ZNF385B: variants seen among roughly 807,000 people sequenced by gnomAD.
The protein encoded by ZNF385B is zinc finger protein 385B.
ZNF385B carries 23 observed loss-of-function variants against 39.2 expected under a neutral mutation model. That is an observed-to-expected ratio of 0.59 (90% CI 0.42 to 0.83). ZNF385B has a LOEUF of 0.83. Among genes scored for constraint, ZNF385B ranks in the 40% least tolerant of loss-of-function variants. ZNF385B has a pLI of 0.00. For synonymous variants in ZNF385B, 205 were observed against 222.6 expected, an observed-to-expected ratio of 0.92 and a Z score of 0.70; for missense variants, 552 against 598.9, an observed-to-expected ratio of 0.92 and a Z score of 0.82.
intron 3 of ZNF385B, among the ~76,000 whole-genome samples, chr2:179,646,356 G>A (rs1458863058): frequency 6.6e-6 from 1 of 152,242 alleles, no homozygotes; most frequent in African/African-American, 2.4e-5. Context: ...AGGTTGCAGT[G>A]AGCCGAGATT....
intron 3 of ZNF385B, among the ~76,000 whole-genome samples, chr2:179,747,415 A>T (rs1702445702): frequency 6.6e-6 from 1 of 152,040 alleles, no homozygotes; most frequent in African/African-American, 2.4e-5. Context: ...TGCCACCTGA[A>T]TTCTATTTGT....
intron 1 of ZNF385B, among the ~76,000 whole-genome samples, chr2:179,860,293 T>C (rs1684936356): frequency 6.6e-6 from 1 of 152,164 alleles, no homozygotes; most frequent in African/African-American, 2.4e-5. Flanking sequence ...GGATACTTCT[T>C]GGCAATTTAT....
intron 5 of ZNF385B, among the ~76,000 whole-genome samples, chr2:179,490,789 T>G (rs1054614550): frequency 1.3e-5 from 2 of 152,274 alleles, no homozygotes; most frequent in South Asian, 2.1e-4. Flanking sequence ...CCCCTAGATA[T>G]TCACTGATGC....
intron 3 of ZNF385B, among the ~76,000 whole-genome samples, chr2:179,642,393 C>A (rs577387287): frequency 6.6e-6 from 1 of 152,144 alleles, no homozygotes; most frequent in Admixed American, 6.6e-5. Context: ...AACTCATACA[C>A]CTGAAGACAT....
chr2:179,558,308 T>G (rs1288044006), intron 3 of ZNF385B, among the ~76,000 whole-genome samples: 1 of 152,118 alleles, frequency 6.6e-6, no homozygotes, highest in African/African-American at 2.4e-5. Flanking sequence ...GCACAAAATG[T>G]TTTTTCTCCT....
chr2:179,715,203 C>T (rs1700257397), intron 3 of ZNF385B, among the ~76,000 whole-genome samples: 2 of 138,906 alleles, frequency 1.4e-5, no homozygotes, highest in South Asian at 2.4e-4. Context: ...ACAGCTCATG[C>T]CAAATCCTAT....
At chr2:179,477,925 G>A (rs1328721026) in intron 6 of ZNF385B, among the ~76,000 whole-genome samples, 2 of 152,014 alleles carry the variant, frequency 1.3e-5, no homozygotes, top group Non-Finnish European at 2.9e-5. Flanking sequence ...ATACCAAAAC[G>A]GTCAGCAAGA....
intron 3 of ZNF385B, among the ~76,000 whole-genome samples, chr2:179,744,449 T>G (rs1162189726): frequency 6.6e-6 from 1 of 152,038 alleles, no homozygotes; most frequent in African/African-American, 2.4e-5. Flanking sequence ...ATGTGCTCAG[T>G]ATAAAACTAA....
At chr2:179,694,661 G>A (rs1698585023) in intron 3 of ZNF385B, among the ~76,000 whole-genome samples, 1 of 152,148 alleles carries the variant, frequency 6.6e-6, no homozygotes, top group African/African-American at 2.4e-5. Flanking sequence ...TGGGCAATGT[G>A]GCTCATGCCT....
chr2:179,665,311 T>G (rs1004432508), intron 3 of ZNF385B, among the ~76,000 whole-genome samples: 7 of 152,368 alleles, frequency 4.6e-5, no homozygotes, highest in Middle Eastern at 3.4e-3. Context: ...TCTTTTCACC[T>G]GTAGTATCTG....
chr2:179,667,220 T>A (rs1460445464), intron 3 of ZNF385B, among the ~76,000 whole-genome samples: 2 of 152,172 alleles, frequency 1.3e-5, no homozygotes, highest in Non-Finnish European at 2.9e-5. Flanking sequence ...AATACCTACA[T>A]TAACATTCAG....
chr2:179,586,324 G>A (rs1687067363), intron 3 of ZNF385B, among the ~76,000 whole-genome samples: 1 of 152,176 alleles, frequency 6.6e-6, no homozygotes, highest in African/African-American at 2.4e-5. Context: ...TTTTATAGAT[G>A]TCTTTTCTAT....
Position 179,467,091 on chromosome 2 carries a change from C to T in ZNF385B, c.715+16181G>A, listed in dbSNP as rs184117830. 1.1e-3 allele frequency among the ~76,000 whole-genome samples: 169 copies of T among 152,014 alleles called. 1 individual carries two copies. The highest frequency in any genetic ancestry group is 3.1e-3 in the African/African-American group (129 of 41,470). On this transcript the variant is annotated intron_variant, in intron 6 of 9. Transcript: ENST00000410066. ...ACTGAGGGTGTCATTATAAAGACTTCGTGTGTTGGCGATGGTACCACTCAC... is the reference window on the plus strand; with the variant it reads ...ACTGAGGGTGTCATTATAAAGACTTTGTGTGTTGGCGATGGTACCACTCAC...
At chr2:179,755,907 T>G (rs1023544993) in intron 3 of ZNF385B, among the ~76,000 whole-genome samples, 2 of 152,240 alleles carry the variant, frequency 1.3e-5, no homozygotes, top group African/African-American at 4.8e-5. Flanking sequence ...CTGTGTCTTT[T>G]AATTGGAGCA....
chr2:179,444,635 C>T (rs1005414811), intron 9 of ZNF385B, among the ~76,000 whole-genome samples: 1 of 152,198 alleles, frequency 6.6e-6, no homozygotes, highest in Non-Finnish European at 1.5e-5. Context: ...AGAGGATAGT[C>T]TTTTGAAAAC....
At chr2:179,658,829 G>A (rs977251283) in intron 3 of ZNF385B, among the ~76,000 whole-genome samples, 6 of 152,074 alleles carry the variant, frequency 3.9e-5, no homozygotes, top group African/African-American at 1.4e-4. Context: ...CCAGGCTGGA[G>A]TGCAGTGGCG....
intron 3 of ZNF385B, among the ~76,000 whole-genome samples, chr2:179,699,631 T>C (rs762090263): frequency 6.6e-6 from 1 of 152,238 alleles, no homozygotes; most frequent in Non-Finnish European, 1.5e-5. Flanking sequence ...AAACAGTACA[T>C]GACACCCTGA....
intron 3 of ZNF385B, among the ~76,000 whole-genome samples, chr2:179,664,420 A>T (rs1383987728): frequency 6.6e-6 from 1 of 152,190 alleles, no homozygotes; most frequent in African/African-American, 2.4e-5. Flanking sequence ...TCAATTTTTC[A>T]CAAGTACAGC....
At chr2:179,707,289 T>C (rs1292623452) in intron 3 of ZNF385B, among the ~76,000 whole-genome samples, 1 of 152,148 alleles carries the variant, frequency 6.6e-6, no homozygotes, top group Admixed American at 6.5e-5. Context: ...GAGAGTATTA[T>C]ACTCTCCAGA....
Sources: allele counts gnomAD v4.1 joint callset (sites outside exome capture counted in the v4.1 genomes callset), GRCh38; gene constraint gnomAD v4.1.1; transcripts MANE v1.5; gene names NCBI Gene and HGNC (gene_info 2026-07-23, HGNC 2026-07-21).